COL28A1: variants seen among roughly 807,000 people sequenced by gnomAD.
COL28A1 encodes collagen alpha-1(XXVIII) chain.
In COL28A1, 161 loss-of-function variants were observed where a neutral mutation model predicts 150.2. That is an observed-to-expected ratio of 1.07 (90% CI 0.94 to 1.22). The LOEUF (loss-of-function observed/expected upper bound fraction) is 1.22. Among genes scored for constraint, COL28A1 ranks in the 50% most tolerant of loss-of-function variants. The pLI is 0.00. For missense variants in COL28A1, 1,617 were observed against 1,388.3 expected (o/e 1.16, Z -2.62); for synonymous variants, 552 against 469.7 (o/e 1.18, Z -2.26).
chr7:7,532,907 T>A lies in COL28A1; in HGVS notation c.-32A>T. 1.9e-6 allele frequency: 3 copies of A among 1,550,722 alleles called. No homozygotes were observed. Among genetic ancestry groups the A allele is most frequent in the Non-Finnish European group, 1.7e-6 (2 of 1,154,230 alleles). On this transcript the variant is annotated 5_prime_UTR_variant, in exon 2 of 35. Transcript: ENST00000399429. ...AGATGGTGAAAAATCATCTGTCTTG[T>A]AGCACCTTTAATAGAAAAGTCAGTT...
At chr7:7,402,054 A>T (rs1783237217) in intron 27 of COL28A1, among the ~76,000 whole-genome samples, 1 of 152,240 alleles carries the variant, frequency 6.6e-6, no homozygotes, top group Non-Finnish European at 1.5e-5. Flanking sequence ...TTTTGAAAAA[A>T]TAAGCAAAAG....
At chr7:7,542,315 G>A in the COL28A1 span, among the ~76,000 whole-genome samples, 4 of 152,198 alleles carry the variant, frequency 2.6e-5, no homozygotes, top group African/African-American at 4.8e-5. Context: ...TGGCCACAGA[G>A]TGAGATCCCA....
chr7:7,490,494 C>A (rs2128369226), intron 12 of COL28A1, 84 bp downstream of exon 12: 6 of 693,620 alleles, frequency 8.7e-6, no homozygotes, highest in South Asian at 6.2e-5. Context: ...TGGATTTAGG[C>A]CAAATGGAGT....
At chr7:7,494,104 T>C (rs556392654) in intron 11 of COL28A1, among the ~76,000 whole-genome samples, 2 of 152,290 alleles carry the variant, frequency 1.3e-5, no homozygotes, top group East Asian at 3.9e-4. Context: ...TAAACCACCT[T>C]TGTCCTTTTC....
intron 18 of COL28A1, among the ~76,000 whole-genome samples, chr7:7,445,912 T>C (rs1421410524): frequency 6.6e-6 from 1 of 151,874 alleles, no homozygotes; most frequent in Non-Finnish European, 1.5e-5. Context: ...CCAGGCTTGT[T>C]CAGTGGTATG....
intron 11 of COL28A1, among the ~76,000 whole-genome samples, chr7:7,503,332 T>C (rs868356687): frequency 7.9e-5 from 12 of 152,228 alleles, no homozygotes; most frequent in Admixed American, 3.3e-4. Context: ...AAGGTGGTAT[T>C]AGTATTAAAT....
chr7:7,431,493 C>A, intron 25 of COL28A1: 1 of 470,612 alleles, frequency 2.1e-6, no homozygotes, highest in South Asian at 1.5e-5. Context: ...TTGAGCTAAG[C>A]TTTTAATAAT....
At chr7:7,512,937 T>C (rs1350051507) in intron 8 of COL28A1, among the ~76,000 whole-genome samples, 1 of 152,214 alleles carries the variant, frequency 6.6e-6, no homozygotes, top group Non-Finnish European at 1.5e-5. Context: ...CATTCAAATG[T>C]AAATCAATGC....
chr7:7,527,671 G>A (rs1782105561), intron 3 of COL28A1, among the ~76,000 whole-genome samples: 1 of 152,064 alleles, frequency 6.6e-6, no homozygotes, highest in Admixed American at 6.6e-5. Context: ...GGATAAATAG[G>A]GAAAGGGTCT....
chr7:7,372,171 G>A (rs58381365), intron 32 of COL28A1, among the ~76,000 whole-genome samples: 11,935 of 151,910 alleles, frequency 0.079, 1,575 homozygotes, highest in African/African-American at 0.27. Flanking sequence ...AGGCCGAGGC[G>A]GGTGGATCAT....
chr7:7,402,950 G>A (rs562984613), intron 27 of COL28A1, among the ~76,000 whole-genome samples: 1 of 152,198 alleles, frequency 6.6e-6, no homozygotes, highest in African/African-American at 2.4e-5. Context: ...GATAGCTACT[G>A]TGTATCCAGG....
intron 15 of COL28A1, among the ~76,000 whole-genome samples, chr7:7,458,154 C>T (rs78565321): frequency 0.016 from 2,422 of 152,302 alleles, 60 homozygotes; most frequent in African/African-American, 0.055. Flanking sequence ...CCGTGGCTCA[C>T]GCCTATAATC....
chr7:7,458,590 G>A (rs768942381), intron 15 of COL28A1, among the ~76,000 whole-genome samples: 16 of 152,162 alleles, frequency 1.1e-4, no homozygotes, highest in Middle Eastern at 3.4e-3. Context: ...TAAATATTAC[G>A]GAAGGAAAAC....
the COL28A1 span, among the ~76,000 whole-genome samples, chr7:7,349,637 G>A: frequency 6.6e-6 from 1 of 152,040 alleles, no homozygotes; most frequent in East Asian, 1.9e-4. Flanking sequence ...GCTATGGCCT[G>A]GAAACTCTCT....
chr7:7,478,505 C>T (rs115220987), intron 13 of COL28A1, among the ~76,000 whole-genome samples: 14,847 of 152,346 alleles, frequency 0.097, 900 homozygotes, highest in Middle Eastern at 0.21. Context: ...CGCATGGGCT[C>T]GCAGGTGGAG....
At chr7:7,386,440 G>A (rs2128291889) in intron 27 of COL28A1, among the ~76,000 whole-genome samples, 1 of 152,288 alleles carries the variant, frequency 6.6e-6, no homozygotes, top group South Asian at 2.1e-4. Flanking sequence ...AGCTTTTCTT[G>A]AATCCATCAT....
At chr7:7,443,887 C>G (rs1786011289) in intron 19 of COL28A1, among the ~76,000 whole-genome samples, 2 of 152,000 alleles carry the variant, frequency 1.3e-5, no homozygotes, top group South Asian at 4.1e-4. Context: ...AATTTATCAG[C>G]CAATTTCCAA....
chr7:7,350,164 G>T, the COL28A1 span, among the ~76,000 whole-genome samples: 5 of 152,102 alleles, frequency 3.3e-5, no homozygotes, highest in African/African-American at 1.2e-4. Context: ...AGGCCAATTT[G>T]GAAGCCAGGT....
chr7:7,472,412 T>C (rs918503056), intron 15 of COL28A1, among the ~76,000 whole-genome samples: 7 of 151,794 alleles, frequency 4.6e-5, no homozygotes, highest in African/African-American at 1.5e-4. Flanking sequence ...AACTCAACCC[T>C]TTTTACAATA....
Sources: gnomAD v4.1 joint callset for allele counts (sites outside exome capture counted in the v4.1 genomes callset) on GRCh38, gnomAD v4.1.1 for gene constraint, MANE v1.5 for transcripts, NCBI Gene and HGNC (gene_info 2026-07-23, HGNC 2026-07-21) for gene names.